STAU2: variants seen among roughly 807,000 people sequenced by gnomAD.
STAU2 encodes staufen double-stranded RNA binding protein 2.
Under a neutral mutation model 65.9 loss-of-function variants are expected in STAU2, and 20 were observed. The observed-to-expected ratio is 0.30, with a 90% CI of 0.21 to 0.44. The LOEUF (loss-of-function observed/expected upper bound fraction) is 0.44. Ranked by LOEUF, STAU2 falls within the 20% of genes least tolerant of loss-of-function variation. The probability of loss-of-function intolerance (pLI) is 1.00; values close to 1 mark genes in which losing one functional copy is unlikely to be tolerated. For missense variants in STAU2, 558 were observed against 683.9 expected, an observed-to-expected ratio of 0.82 and a Z score of 2.05; for synonymous variants, 232 against 233.9, an observed-to-expected ratio of 0.99 and a Z score of 0.07.
At chr8:73,723,251 G>C (rs1344769055) in intron 3 of STAU2, among the ~76,000 whole-genome samples, 2 of 152,078 alleles carry the variant, frequency 1.3e-5, no homozygotes, top group Admixed American at 6.6e-5. Context: ...TGCAGACATG[G>C]GAAGAACATG....
chr8:73,593,857 A>G (rs1167525036), intron 11 of STAU2, among the ~76,000 whole-genome samples: 1 of 113,768 alleles, frequency 8.8e-6, no homozygotes, highest in African/African-American at 3.5e-5. Context: ...TCCTTAATAT[A>G]TATACACAGA....
At chr8:73,474,275 C>T (rs887976701) in intron 13 of STAU2, among the ~76,000 whole-genome samples, 1 of 152,082 alleles carries the variant, frequency 6.6e-6, no homozygotes, top group Non-Finnish European at 1.5e-5. Context: ...TGCCAGCATG[C>T]GTTGGAACTG....
chr8:73,675,014 G>A (rs1817937924), intron 5 of STAU2, among the ~76,000 whole-genome samples: 1 of 151,396 alleles, frequency 6.6e-6, no homozygotes, highest in African/African-American at 2.4e-5. Flanking sequence ...ATCAACACAT[G>A]GAACATATTC....
chr8:73,688,317 T>C (rs776507693), intron 5 of STAU2, among the ~76,000 whole-genome samples: 6 of 151,618 alleles, frequency 4.0e-5, no homozygotes, highest in African/African-American at 7.3e-5. Flanking sequence ...GCTGGGATTA[T>C]AGGCACCTGG....
At chr8:73,603,656 T>C in intron 10 of STAU2, 70 bp downstream of exon 10, 3 of 1,545,512 alleles carry the variant, frequency 1.9e-6, no homozygotes, top group South Asian at 1.3e-5. Flanking sequence ...TAGTTTGCCT[T>C]TCGCCCAAAT....
intron 12 of STAU2, among the ~76,000 whole-genome samples, chr8:73,566,057 T>C (rs1362348952): frequency 6.6e-6 from 1 of 152,214 alleles, no homozygotes; most frequent in African/African-American, 2.4e-5. Context: ...TGCACCAGAC[T>C]GGAGCCCAGC....
At chr8:73,641,841 C>T (rs2130133097) in intron 6 of STAU2, among the ~76,000 whole-genome samples, 1 of 152,294 alleles carries the variant, frequency 6.6e-6, no homozygotes, top group African/African-American at 2.4e-5. Context: ...CCTTTGGGTT[C>T]TAAATTTTAG....
intron 8 of STAU2, among the ~76,000 whole-genome samples, chr8:73,615,140 AT>A (rs746592331): frequency 6.6e-6 from 1 of 152,036 alleles, no homozygotes. Flanking sequence ...TATAATAATT[AT>A]TTTTTTAAGT....
chr8:73,653,840 CTT>C (rs1816090952), intron 6 of STAU2: 1 of 424,988 alleles, frequency 2.4e-6, no homozygotes, highest in Non-Finnish European at 4.6e-6. Context: ...CAAAATTTGT[CTT>C]CAAATCCCTT....
chr8:73,705,472 G>T (rs545135616), intron 4 of STAU2, among the ~76,000 whole-genome samples: 1 of 152,160 alleles, frequency 6.6e-6, no homozygotes, highest in South Asian at 2.1e-4. Context: ...ATCAGAATAG[G>T]AAAATAATGG....
At chr8:73,489,759 G>A (rs1352678769) in intron 13 of STAU2, among the ~76,000 whole-genome samples, 4 of 152,030 alleles carry the variant, frequency 2.6e-5, no homozygotes, top group Admixed American at 1.3e-4. Context: ...ATTCAAAGGT[G>A]GTGAGCTAAT....
chr8:73,676,353 T>C (rs879192951), intron 5 of STAU2, among the ~76,000 whole-genome samples: 2 of 152,230 alleles, frequency 1.3e-5, no homozygotes, highest in Non-Finnish European at 2.9e-5. Context: ...TGAATGTCCA[T>C]ATATTTTTTA....
intron 13 of STAU2, among the ~76,000 whole-genome samples, chr8:73,510,890 C>T (rs990704933): frequency 5.3e-5 from 8 of 152,350 alleles, no homozygotes; most frequent in Non-Finnish European, 1.0e-4. Context: ...AATGGATTTA[C>T]ACAATTGATA....
chr8:73,729,577 T>C (rs955981105), intron 3 of STAU2, among the ~76,000 whole-genome samples: 8 of 152,080 alleles, frequency 5.3e-5, no homozygotes, highest in Non-Finnish European at 1.2e-4. Flanking sequence ...GACTTCTGAT[T>C]GGGAGTTTTT....
rs1456567237 is a variant in STAU2 at position 73,421,481 on chromosome 8, A to G, written c.1620-16T>C. 7.2e-6 allele frequency: 11 copies of G among 1,537,152 alleles called. No individual in the cohort carries two copies. The highest frequency in any genetic ancestry group is 8.7e-6 in the Non-Finnish European group (10 of 1,146,790). ...CTTGGCTTGTCTGAAAGATTAATACATTAACAAGAGCTGAAGGCCTGGGGT... is the reference window on the plus strand; with the variant it reads ...CTTGGCTTGTCTGAAAGATTAATACGTTAACAAGAGCTGAAGGCCTGGGGT... On this transcript the variant is annotated splice_polypyrimidine_tract_variant and intron_variant, in intron 14 of 14. Transcript: ENST00000524300.
At chr8:73,560,807 G>T (rs1471619565) in intron 12 of STAU2, among the ~76,000 whole-genome samples, 1 of 152,196 alleles carries the variant, frequency 6.6e-6, no homozygotes, top group Non-Finnish European at 1.5e-5. Context: ...TTTCAAAAAT[G>T]TTTTAAAGAT....
chr8:73,426,647 T>C (rs750039341), intron 13 of STAU2, among the ~76,000 whole-genome samples: 8 of 152,232 alleles, frequency 5.3e-5, no homozygotes, highest in Non-Finnish European at 1.0e-4. Context: ...TTTCATTCTT[T>C]TTTTACGGCC....
At chr8:73,450,509 T>G (rs1448192463) in intron 13 of STAU2, among the ~76,000 whole-genome samples, 1 of 152,114 alleles carries the variant, frequency 6.6e-6, no homozygotes, top group Non-Finnish European at 1.5e-5. Flanking sequence ...AATAAGACGT[T>G]TGGGGGCTAG....
intron 13 of STAU2, among the ~76,000 whole-genome samples, chr8:73,482,034 T>G (rs1236209134): frequency 6.6e-6 from 1 of 152,160 alleles, no homozygotes; most frequent in Admixed American, 6.5e-5. Flanking sequence ...CTTTTATACC[T>G]GGAGAGATTC....
Sources: gnomAD v4.1 joint callset for allele counts (sites outside exome capture counted in the v4.1 genomes callset) on GRCh38, gnomAD v4.1.1 for gene constraint, MANE v1.5 for transcripts, NCBI Gene and HGNC (gene_info 2026-07-23, HGNC 2026-07-21) for gene names.